SUGCT: variants seen among roughly 807,000 people sequenced by gnomAD.
SUGCT encodes succinyl-CoA:glutarate CoA-transferase.
Under a neutral mutation model 55.0 loss-of-function variants are expected in SUGCT, and 41 were observed. That is an observed-to-expected ratio of 0.74 (90% CI 0.58 to 0.97). The LOEUF (loss-of-function observed/expected upper bound fraction) is 0.97. SUGCT is among the 50% of genes least tolerant of loss of function. SUGCT has a pLI of 0.00. For synonymous variants in SUGCT, 187 were observed against 200.4 expected (o/e 0.93, Z 0.56); for missense variants, 568 against 547.8 (o/e 1.04, Z -0.37).
intron 12 of SUGCT, among the ~76,000 whole-genome samples, chr7:40,696,279 T>C (rs932764101): frequency 2.6e-5 from 4 of 152,318 alleles, no homozygotes; most frequent in African/African-American, 9.6e-5. Context: ...GAGATGCCTT[T>C]TAATGGAGGT....
chr7:40,733,388 A>C (rs1328292935), intron 12 of SUGCT, among the ~76,000 whole-genome samples: 2 of 152,192 alleles, frequency 1.3e-5, no homozygotes, highest in African/African-American at 4.8e-5. Flanking sequence ...TTCCTAAAAT[A>C]GTTCTCCTTA....
chr7:40,299,266 C>A (rs1794374719), intron 8 of SUGCT, among the ~76,000 whole-genome samples: 1 of 152,170 alleles, frequency 6.6e-6, no homozygotes, highest in Non-Finnish European at 1.5e-5. Flanking sequence ...TGGATATGGA[C>A]TAAAGAGCCC....
the SUGCT span, among the ~76,000 whole-genome samples, chr7:40,899,570 C>T: frequency 2.6e-5 from 4 of 152,126 alleles, no homozygotes; most frequent in Admixed American, 1.3e-4. Context: ...TGAGTATTCC[C>T]GGGAGAACAA....
chr7:40,800,499 C>T (rs899547085), intron 13 of SUGCT, among the ~76,000 whole-genome samples: 12 of 151,930 alleles, frequency 7.9e-5, no homozygotes, highest in Admixed American at 6.6e-4. Flanking sequence ...ACCGTGTTGG[C>T]CAGGCTGGTC....
intron 9 of SUGCT, among the ~76,000 whole-genome samples, chr7:40,375,774 A>G (rs948272121): frequency 2.0e-5 from 3 of 152,206 alleles, no homozygotes; most frequent in Non-Finnish European, 4.4e-5. Flanking sequence ...GTTTACAGTA[A>G]CGTACCCTCA....
chr7:40,432,452 C>T (rs1787940306), intron 9 of SUGCT, among the ~76,000 whole-genome samples: 1 of 152,064 alleles, frequency 6.6e-6, no homozygotes, highest in South Asian at 2.1e-4. Flanking sequence ...CTTTGGGAGG[C>T]CGAGGTGGGC....
the SUGCT span, among the ~76,000 whole-genome samples, chr7:40,927,987 T>G: frequency 1.3e-5 from 2 of 152,292 alleles, no homozygotes; most frequent in African/African-American, 4.8e-5. Flanking sequence ...CTGGAATCTA[T>G]TGTTGCTAAT....
intron 9 of SUGCT, among the ~76,000 whole-genome samples, chr7:40,411,134 T>C (rs962816929): frequency 6.6e-6 from 1 of 152,220 alleles, no homozygotes; most frequent in Non-Finnish European, 1.5e-5. Context: ...GGCTCATGCC[T>C]GTAATCCCAG....
At chr7:40,925,670 C>T in the SUGCT span, among the ~76,000 whole-genome samples, 129 of 152,148 alleles carry the variant, frequency 8.5e-4, no homozygotes, top group African/African-American at 2.9e-3. Context: ...GTAGCTGAAC[C>T]GGATACCAAG....
intron 12 of SUGCT, among the ~76,000 whole-genome samples, chr7:40,677,271 G>C (rs1337813158): frequency 6.6e-6 from 1 of 152,008 alleles, no homozygotes; most frequent in Non-Finnish European, 1.5e-5. Flanking sequence ...ACCCCTTCTT[G>C]GTTCAAAAAA....
intron 12 of SUGCT, among the ~76,000 whole-genome samples, chr7:40,747,332 CCGTGAAGT>C (rs1370562248): frequency 6.6e-6 from 1 of 152,130 alleles, no homozygotes; most frequent in Non-Finnish European, 1.5e-5. Flanking sequence ...AAAAGGTCAC[CCGTGAAGT>C]TGTCTTATTG....
chr7:40,978,758 T>A, the SUGCT span, among the ~76,000 whole-genome samples: 1 of 152,082 alleles, frequency 6.6e-6, no homozygotes, highest in Non-Finnish European at 1.5e-5. Context: ...AAGACTGACA[T>A]GTTCCAGGAA....
intron 13 of SUGCT, among the ~76,000 whole-genome samples, chr7:40,770,697 G>A (rs1019990600): frequency 6.6e-6 from 1 of 152,134 alleles, no homozygotes; most frequent in African/African-American, 2.4e-5. Flanking sequence ...TATTTCTATG[G>A]AAGAAGAGAA....
At chr7:40,779,753 G>A (rs1187427422) in intron 13 of SUGCT, among the ~76,000 whole-genome samples, 1 of 152,164 alleles carries the variant, frequency 6.6e-6, no homozygotes, top group Non-Finnish European at 1.5e-5. Context: ...CAATAGCTTT[G>A]CTGGGGTTTG....
intron 12 of SUGCT, among the ~76,000 whole-genome samples, chr7:40,615,635 A>C (rs978095356): frequency 2.0e-5 from 3 of 152,222 alleles, no homozygotes; most frequent in Non-Finnish European, 2.9e-5. Flanking sequence ...AGTTGGGCAG[A>C]ATACATGATC....
At chr7:40,160,661 C>A (rs1483746266) in intron 1 of SUGCT, among the ~76,000 whole-genome samples, 1 of 151,688 alleles carries the variant, frequency 6.6e-6, no homozygotes, top group African/African-American at 2.4e-5. Context: ...TCATATAAAC[C>A]TATAAGAAAA....
chr7:40,245,408 T>C (rs1336110656), intron 7 of SUGCT, among the ~76,000 whole-genome samples: 2 of 29,898 alleles, frequency 6.7e-5, no homozygotes, highest in African/African-American at 3.5e-4. Flanking sequence ...AGTAGACATA[T>C]ATATATATAT....
chr7:40,278,967 C>T (rs1792743343), intron 8 of SUGCT, among the ~76,000 whole-genome samples: 1 of 151,482 alleles, frequency 6.6e-6, no homozygotes, highest in Non-Finnish European at 1.5e-5. Flanking sequence ...GTTCGGACTA[C>T]AGGCGTATGA....
At chr7:40,572,760 TTTCAGGGA>T (rs1277430904) in intron 12 of SUGCT, among the ~76,000 whole-genome samples, 1 of 152,176 alleles carries the variant, frequency 6.6e-6, no homozygotes, top group Non-Finnish European at 1.5e-5. Context: ...TGGCTTTCAA[TTTCAGGGA>T]TGCTGTGATG....
Sources: gnomAD v4.1 joint callset for allele counts (sites outside exome capture counted in the v4.1 genomes callset) on GRCh38, gnomAD v4.1.1 for gene constraint, MANE v1.5 for transcripts, NCBI Gene and HGNC (gene_info 2026-07-23, HGNC 2026-07-21) for gene names.